The following TENM3 variants were observed in gnomAD, a reference collection of about 807,000 sequenced individuals.
The protein encoded by TENM3 is teneurin transmembrane protein 3.
In TENM3, 63 loss-of-function variants were observed where a neutral mutation model predicts 255.1. The observed-to-expected ratio is 0.25, with a 90% CI of 0.20 to 0.30. The LOEUF is 0.30. Ranked by LOEUF, TENM3 falls within the 10% of genes least tolerant of loss-of-function variation. The probability of loss-of-function intolerance (pLI) is 1.00; values close to 1 mark genes in which losing one functional copy is unlikely to be tolerated. For synonymous variants in TENM3, 1,306 were observed against 1,322.3 expected (o/e 0.99, Z 0.27); for missense variants, 2,929 against 3,461.1 (o/e 0.85, Z 3.86).
In TENM3 at chr4:182,793,029, A is replaced by G. The variant is rs750129572; in HGVS notation, c.6357A>G (p.Ile2119Met). 3 of 1,613,878 alleles carry G rather than the reference A, an allele frequency of 1.9e-6. No homozygotes were observed. The highest frequency in any genetic ancestry group is 2.5e-6 in the Non-Finnish European group (3 of 1,179,888). Residue 2119 changes from isoleucine (I) to methionine (M), a missense_variant, in exon 26 of 28, where the codon ATA (isoleucine) becomes ATG (methionine). Coordinates refer to ENST00000511685, the MANE Select transcript of TENM3 (RefSeq NM_001080477.4). The surrounding 1 kb of genome is among the most constrained non-coding windows in gnomAD (Gnocchi z 5.7). ...MGRVTKREIK[I>M]GPFANTTKYA... is the part of the protein sequence containing the mutation. ...GGGTAACCAAGAGAGAGATTAAAAT[A>G]GGGCCCTTTGCCAACACCACCAAAT...
At chr4:181,454,396 G>T in the TENM3 span, among the ~76,000 whole-genome samples, 2 of 152,244 alleles carry the variant, frequency 1.3e-5, no homozygotes, top group African/African-American at 4.8e-5. Context: ...TAGTGGTAGT[G>T]TAGCCATCGT....
intron 7 of TENM3, among the ~76,000 whole-genome samples, chr4:182,675,960 A>G (rs573267663): frequency 6.6e-6 from 1 of 152,222 alleles, no homozygotes; most frequent in African/African-American, 2.4e-5. Context: ...TAAGTAGGTT[A>G]TGCATTTTCT....
At chr4:182,094,941 T>A in the TENM3 span, among the ~76,000 whole-genome samples, 21 of 105,626 alleles carry the variant, frequency 2.0e-4, no homozygotes, top group South Asian at 2.9e-4. Flanking sequence ...AAATAGAAGG[T>A]AAAAAAAAAA....
At chr4:182,701,510 GCA>G (rs1757876292) in intron 12 of TENM3, among the ~76,000 whole-genome samples, 1 of 151,860 alleles carries the variant, frequency 6.6e-6, no homozygotes, top group Non-Finnish European at 1.5e-5. Flanking sequence ...GTGAGCCACT[GCA>G]CCTGGCCCCA....
At chr4:181,548,484 A>C in the TENM3 span, among the ~76,000 whole-genome samples, 6 of 151,986 alleles carry the variant, frequency 3.9e-5, no homozygotes, top group Admixed American at 1.3e-4. Flanking sequence ...TGCAGCCATA[A>C]AAAAATGATA....
the TENM3 span, among the ~76,000 whole-genome samples, chr4:181,546,432 G>A: frequency 6.6e-6 from 1 of 152,148 alleles, no homozygotes; most frequent in Non-Finnish European, 1.5e-5. Context: ...AATGGCACCT[G>A]AGGCTGAGCG....
chr4:182,667,234 A>C (rs1390899057), intron 6 of TENM3, among the ~76,000 whole-genome samples: 1 of 151,978 alleles, frequency 6.6e-6, no homozygotes. Flanking sequence ...TCTGTTGCCC[A>C]GGCTAGAGTG....
chr4:181,680,824 C>A, the TENM3 span, among the ~76,000 whole-genome samples: 2 of 151,992 alleles, frequency 1.3e-5, no homozygotes, highest in Admixed American at 6.6e-5. Flanking sequence ...TCTAAATTTC[C>A]CATTGACTTT....
At chr4:181,921,031 A>T in the TENM3 span, among the ~76,000 whole-genome samples, 1 of 152,156 alleles carries the variant, frequency 6.6e-6, no homozygotes, top group Admixed American at 6.5e-5. Flanking sequence ...TTTGTCAAAG[A>T]TCAGATAGTT....
intron 3 of TENM3, among the ~76,000 whole-genome samples, chr4:182,461,298 A>G (rs1580630298): frequency 6.6e-6 from 1 of 152,220 alleles, no homozygotes; most frequent in East Asian, 1.9e-4. Context: ...GCTTATGGAC[A>G]AGTGACAGGA....
intron 3 of TENM3, among the ~76,000 whole-genome samples, chr4:182,420,489 G>A (rs1320570253): frequency 2.0e-5 from 3 of 152,142 alleles, no homozygotes; most frequent in Admixed American, 6.5e-5. Flanking sequence ...TGGCCTCCAC[G>A]ACTCTTCTGT....
intron 3 of TENM3, among the ~76,000 whole-genome samples, chr4:182,578,725 G>A (rs1468163469): frequency 6.6e-6 from 1 of 152,118 alleles, no homozygotes; most frequent in Admixed American, 6.5e-5. Context: ...TTTCTTCCCA[G>A]GAACCTCTGT....
chr4:182,317,491 G>A (rs2150459110), intron 1 of TENM3, among the ~76,000 whole-genome samples: 1 of 151,866 alleles, frequency 6.6e-6, no homozygotes, highest in African/African-American at 2.4e-5. Context: ...TGTTTGGTTT[G>A]GTTTTTGTAG....
rs1291480488 is a variant in TENM3, at chr4:182,680,508, T to C, written c.1640-35T>C. ...TCTTTCGGAAGCTCGGTGGAAAGTG[T>C]GGCTGTAATTCTTCTGTCGTGTCTT... On this transcript the variant is annotated intron_variant, in intron 9 of 27. Transcript: ENST00000511685. 4.4e-6 allele frequency: 7 copies of C among 1,606,710 alleles called. No homozygotes were observed. The South Asian group carries it at 7.7e-5, about 18-fold the overall frequency.
rs1044178927 is a variant in TENM3 at position 182,754,031 on chromosome 4, C to G, written c.4018-354C>G. Among the ~76,000 whole-genome samples, 1 of 152,144 alleles carries G rather than the reference C, an allele frequency of 6.6e-6. No individual in the cohort carries two copies. Among genetic ancestry groups the G allele is most frequent in the Non-Finnish European group, 1.5e-5 (1 of 68,032 alleles). On this transcript the variant is annotated intron_variant, in intron 21 of 27. Coordinates refer to ENST00000511685, the MANE Select transcript of TENM3 (RefSeq NM_001080477.4). The surrounding 1 kb of genome is among the most constrained non-coding windows in gnomAD (Gnocchi z 5.1). Reference sequence around the variant, plus strand: ...GCCTGATTGAAAACACAATAGAATACTAATCTATTCATAACCTAGAAAGCC... The same window carrying G: ...GCCTGATTGAAAACACAATAGAATAGTAATCTATTCATAACCTAGAAAGCC...
chr4:181,850,128 A>C, the TENM3 span, among the ~76,000 whole-genome samples: 1 of 148,518 alleles, frequency 6.7e-6, no homozygotes, highest in African/African-American at 2.5e-5. Flanking sequence ...CAATTCATTC[A>C]CTCATTATTT....
At chr4:182,211,926 G>T (rs1432098106) in intron 1 of TENM3, among the ~76,000 whole-genome samples, 3 of 152,066 alleles carry the variant, frequency 2.0e-5, no homozygotes, top group Non-Finnish European at 2.9e-5. Flanking sequence ...TTTTCACTAG[G>T]AATAGTGAGT....
chr4:182,101,195 G>A, the TENM3 span, among the ~76,000 whole-genome samples: 1 of 122,670 alleles, frequency 8.2e-6, no homozygotes, highest in African/African-American at 3.2e-5. Flanking sequence ...AGGGAGGGAG[G>A]AAGGAAAGAA....
the TENM3 span, among the ~76,000 whole-genome samples, chr4:182,040,302 A>G: frequency 6.8e-6 from 1 of 147,254 alleles, no homozygotes; most frequent in African/African-American, 2.5e-5. Flanking sequence ...AGGAGAGGAG[A>G]GGGAGAAGGA....
Sources: allele counts gnomAD v4.1 joint callset (sites outside exome capture counted in the v4.1 genomes callset), GRCh38; gene constraint gnomAD v4.1.1; non-coding constraint Gnocchi (gnomAD v3.1); transcripts MANE v1.5; gene names NCBI Gene and HGNC (gene_info 2026-07-23, HGNC 2026-07-21).